Variants in TAOK3 observed in about 807,000 individuals in gnomAD.
The protein encoded by TAOK3 is serine/threonine-protein kinase TAO3.
In TAOK3, 40 loss-of-function variants were observed where a neutral mutation model predicts 120.4. That is an observed-to-expected ratio of 0.33 (90% CI 0.26 to 0.43). TAOK3 has a LOEUF of 0.43. Among genes scored for constraint, TAOK3 ranks in the 20% least tolerant of loss-of-function variants. TAOK3 has a pLI of 1.00. For synonymous variants in TAOK3, 355 were observed against 387.5 expected, an observed-to-expected ratio of 0.92 and a Z score of 0.99; for missense variants, 821 against 1,112.1, an observed-to-expected ratio of 0.74 and a Z score of 3.72.
intron 13 of TAOK3, among the ~76,000 whole-genome samples, chr12:118,192,586 G>A (rs1416402896): frequency 6.6e-6 from 1 of 152,116 alleles, no homozygotes; most frequent in Non-Finnish European, 1.5e-5. Context: ...GCATAAAACA[G>A]GTTCAAAACT....
intron 1 of TAOK3, among the ~76,000 whole-genome samples, chr12:118,307,101 A>G (rs1479117919): frequency 6.6e-6 from 1 of 152,216 alleles, no homozygotes; most frequent in Non-Finnish European, 1.5e-5. Flanking sequence ...TTACTAAACT[A>G]TACAGGTTAT....
chr12:118,314,892 G>A (rs2043391358), intron 1 of TAOK3, among the ~76,000 whole-genome samples: 1 of 151,840 alleles, frequency 6.6e-6, no homozygotes, highest in Non-Finnish European at 1.5e-5. Flanking sequence ...ACTATTGCAT[G>A]GGCACATGAA....
intron 9 of TAOK3, among the ~76,000 whole-genome samples, chr12:118,231,489 AG>A (rs1399717212): frequency 5.3e-5 from 8 of 152,170 alleles, no homozygotes; most frequent in African/African-American, 1.9e-4. Flanking sequence ...TGTAATATAA[AG>A]TATCCCAAGT....
chr12:118,242,723 G>A (rs1300546016), intron 5 of TAOK3, among the ~76,000 whole-genome samples: 4 of 152,040 alleles, frequency 2.6e-5, no homozygotes, highest in Non-Finnish European at 5.9e-5. Context: ...AGCTGGGTGT[G>A]GTGGCATGTG....
rs566457221 is a variant in TAOK3, at chr12:118,267,761, T to C, written c.-193-1002A>G. On this transcript the variant is annotated intron_variant, in intron 1 of 20. Coordinates refer to ENST00000392533, the MANE Select transcript of TAOK3 (RefSeq NM_016281.4). Reference sequence around the variant, plus strand: ...CTAGCTGAGCCTGGTGGCATGTGCCTGTAATCCCAGCTACTCAGGAGGCTG... The same window carrying C: ...CTAGCTGAGCCTGGTGGCATGTGCCCGTAATCCCAGCTACTCAGGAGGCTG... 7.6e-4 allele frequency among the ~76,000 whole-genome samples: 115 copies of C among 150,980 alleles called. 1 individual carries two copies. The highest frequency in any genetic ancestry group is 2.7e-3 in the African/African-American group (110 of 41,334).
chr12:118,222,532 G>GAA (rs201957813), intron 9 of TAOK3, among the ~76,000 whole-genome samples: 4 of 133,544 alleles, frequency 3.0e-5, no homozygotes, highest in Non-Finnish European at 4.9e-5. Flanking sequence ...ACTCCCTCTC[G>GAA]AAAAAAAAAA....
intron 14 of TAOK3, among the ~76,000 whole-genome samples, chr12:118,182,599 G>GTGTATATATA (rs1440847647): frequency 5.3e-5 from 5 of 93,918 alleles, no homozygotes; most frequent in African/African-American, 2.4e-4. Flanking sequence ...GTGTGTGTGT[G>GTGTATATATA]TATATATATA....
intron 1 of TAOK3, among the ~76,000 whole-genome samples, chr12:118,341,664 C>T (rs2044625552): frequency 6.6e-6 from 1 of 152,008 alleles, no homozygotes; most frequent in African/African-American, 2.4e-5. Flanking sequence ...CAAAACACTT[C>T]CTTCATTCAC....
intron 1 of TAOK3, among the ~76,000 whole-genome samples, chr12:118,294,628 C>T (rs781285129): frequency 4.0e-4 from 61 of 152,130 alleles, no homozygotes; most frequent in Non-Finnish European, 7.3e-4. Flanking sequence ...AGGTGATCTG[C>T]CTGCCTCGGC....
At chr12:118,250,521 C>A (rs1472315682) in intron 3 of TAOK3, among the ~76,000 whole-genome samples, 3 of 152,148 alleles carry the variant, frequency 2.0e-5, no homozygotes, top group Non-Finnish European at 2.9e-5. Flanking sequence ...TATGGCTTGC[C>A]AGCATGACTA....
At chr12:118,318,163 T>C (rs2043549985) in intron 1 of TAOK3, among the ~76,000 whole-genome samples, 2 of 151,480 alleles carry the variant, frequency 1.3e-5, no homozygotes, top group Non-Finnish European at 3.0e-5. Context: ...TAAAACTTTT[T>C]TTTTTTTTTT....
intron 9 of TAOK3, among the ~76,000 whole-genome samples, chr12:118,231,993 G>T (rs1009891865): frequency 1.3e-5 from 2 of 151,896 alleles, no homozygotes; most frequent in East Asian, 1.9e-4. Flanking sequence ...TAACATTTTT[G>T]ATTTAAAATT....
chr12:118,172,598 T>C lies in TAOK3; in HGVS notation c.1758A>G (p.Lys586=). Residue 586 remains lysine (K), a synonymous_variant, in exon 17 of 21, where the codon AAA becomes AAG. Coordinates refer to ENST00000392533, the MANE Select transcript of TAOK3 (RefSeq NM_016281.4). Reference sequence around the variant, plus strand: ...CAGCCTGTGTGTGCTGCAAGTTCTCTTTATGTTTGGAGATCCGCTCTTGCT... The same window carrying C: ...CAGCCTGTGTGTGCTGCAAGTTCTCCTTATGTTTGGAGATCCGCTCTTGCT... The part of the protein sequence containing the change: ...KEKQERISKH[K]ENLQHTQAEE... 6.2e-7 allele frequency: 1 copy of C among 1,614,194 alleles called. No homozygotes were observed. The highest frequency in any genetic ancestry group is 8.5e-7 in the Non-Finnish European group (1 of 1,180,034).
chr12:118,193,204 T>C (rs1242804450), intron 13 of TAOK3, among the ~76,000 whole-genome samples: 5 of 152,068 alleles, frequency 3.3e-5, no homozygotes, highest in African/African-American at 4.8e-5. Context: ...CGTACCACCA[T>C]ACCTGGCTAA....
chr12:118,229,390 G>A (rs555629669), intron 9 of TAOK3, among the ~76,000 whole-genome samples: 28 of 151,938 alleles, frequency 1.8e-4, no homozygotes, highest in African/African-American at 6.5e-4. Context: ...ATGAGCCACC[G>A]CATCTGGCCA....
intron 19 of TAOK3, among the ~76,000 whole-genome samples, chr12:118,158,033 C>T (rs778315791): frequency 6.6e-6 from 1 of 152,134 alleles, no homozygotes; most frequent in African/African-American, 2.4e-5. Context: ...ACTGATTGTC[C>T]GAGACAAGCA....
chr12:118,277,588 G>C (rs1480232616), intron 1 of TAOK3, among the ~76,000 whole-genome samples: 1 of 151,882 alleles, frequency 6.6e-6, no homozygotes, highest in African/African-American at 2.4e-5. Flanking sequence ...AGCCTCCCGA[G>C]TAGCTGGGAG....
At chr12:118,290,852 T>C (rs2042444652) in intron 1 of TAOK3, among the ~76,000 whole-genome samples, 1 of 152,064 alleles carries the variant, frequency 6.6e-6, no homozygotes, top group South Asian at 2.1e-4. Flanking sequence ...AAAATGCTTG[T>C]TGAACTATAC....
rs1196550740 is a variant in TAOK3 at position 118,364,291 on chromosome 12, T to C, written c.-194+8357A>G. On this transcript the variant is annotated intron_variant, in intron 1 of 20. Coordinates refer to ENST00000392533, the MANE Select transcript of TAOK3 (RefSeq NM_016281.4). Reference sequence around the variant, plus strand: ...AGAGTAACAGTGTATCTAGGAAGAATGAAAACGAAAAGGAGACTGGAAAAT... The same window carrying C: ...AGAGTAACAGTGTATCTAGGAAGAACGAAAACGAAAAGGAGACTGGAAAAT... Among the ~76,000 whole-genome samples the C allele has an allele frequency of 8.5e-5, 13 of 152,242 alleles. No homozygotes were observed. In the East Asian group the frequency reaches 2.5e-3, roughly 29 times the overall value.
Sources: gnomAD v4.1 joint callset for allele counts (sites outside exome capture counted in the v4.1 genomes callset) on GRCh38, gnomAD v4.1.1 for gene constraint, MANE v1.5 for transcripts, NCBI Gene and HGNC (gene_info 2026-07-23, HGNC 2026-07-21) for gene names.